The following NRM variants were observed in gnomAD, a reference collection of about 807,000 sequenced individuals.
NRM encodes nuclear rim protein.
Under a neutral mutation model 23.4 loss-of-function variants are expected in NRM, and 19 were observed. That is an observed-to-expected ratio of 0.81 (90% CI 0.57 to 1.19). The LOEUF is 1.19. NRM is among the 50% of genes most tolerant of loss of function. The pLI is 0.00. For synonymous variants in NRM, 140 were observed against 143.5 expected, an observed-to-expected ratio of 0.98 and a Z score of 0.17; for missense variants, 232 against 329.7, an observed-to-expected ratio of 0.70 and a Z score of 2.30.
rs183705957 is a variant in NRM at position 30,689,229 on chromosome 6, G to A, written c.507+47C>T. 4,676 of 1,510,348 alleles carry A rather than the reference G, an allele frequency of 3.1e-3. 111 individuals carry two copies. In the South Asian group the frequency reaches 0.039, roughly 13 times the overall value. The allele number at this position is 1,510,348 out of a possible 1,614,324, so 93.6% of individuals were successfully genotyped here. On this transcript the variant is annotated intron_variant, in intron 3 of 3. Transcript: ENST00000376421. This position sits in a 1 kb window ranked among gnomAD's most constrained non-coding sequence, Gnocchi z 4.7. ...GGAAACCCTTGAAAGGGAACGAGGAGTTCTAAAATGGGTCAGAGGTCATAG... is the reference window on the plus strand; with the variant it reads ...GGAAACCCTTGAAAGGGAACGAGGAATTCTAAAATGGGTCAGAGGTCATAG...
In NRM at chr6:30,689,510, A is replaced by G; in HGVS notation, c.331-58T>C. 6.8e-7 allele frequency: 1 copy of G among 1,476,734 alleles called. No individual in the cohort carries two copies. The highest frequency in any genetic ancestry group is 9.0e-7 in the Non-Finnish European group (1 of 1,107,132). 91.5% of individuals were successfully genotyped at this position (1,476,734 alleles called of 1,614,324 possible). On this transcript the variant is annotated intron_variant, in intron 2 of 3. Coordinates refer to ENST00000376421, the MANE Select transcript of NRM (RefSeq NM_001384369.1). The surrounding 1 kb of genome is among the most constrained non-coding windows in gnomAD (Gnocchi z 4.7). ...GGCCTAGTCTGCCCGACCTTGGGAG[A>G]CCCAGACCCAGATCTGCCCCCACCA...
Position 30,690,558 on chromosome 6 carries a change from C to T in NRM, c.133+284G>A. 1 of 1,541,504 alleles carries T rather than the reference C, an allele frequency of 6.5e-7. No individual in the cohort carries two copies. The highest frequency in any genetic ancestry group is 8.8e-7 in the Non-Finnish European group (1 of 1,141,692). ...CCAAATGCTCCTTCTTTTTAACACT[C>T]TCCTCTCAACAGTCCTCTCTACAAA... On this transcript the variant is annotated intron_variant, in intron 1 of 3. Transcript: ENST00000376421. This position sits in a 1 kb window ranked among gnomAD's most constrained non-coding sequence, Gnocchi z 5.5.
chr6:30,690,185 T>G lies in NRM; in HGVS notation c.192A>C (p.Ala64=), dbSNP rs1287912413. 1 of 1,611,904 alleles carries G rather than the reference T, an allele frequency of 6.2e-7. No homozygotes were observed. Among genetic ancestry groups the G allele is most frequent in the African/African-American group, 1.3e-5 (1 of 74,994 alleles). Residue 64 remains alanine, a synonymous_variant, in exon 2 of 4, where the codon GCA becomes GCC. Coordinates refer to ENST00000376421, the MANE Select transcript of NRM (RefSeq NM_001384369.1). This position sits in a 1 kb window ranked among gnomAD's most constrained non-coding sequence, Gnocchi z 5.5. The stretch of plus-strand genomic sequence containing the variant: ...ATAGAAGCAGGAGCCCCAGATCCCA[T>G]GCCAGGGGGGCAAGGATGCTGCGGT... ...LQDRSILAPL[A]WDLGLLLLFV...
rs1382595710 is a variant in NRM, at chr6:30,690,412, C to A, written c.134-169G>T. 2 of 1,074,036 alleles carry A rather than the reference C, an allele frequency of 1.9e-6. No homozygotes were observed. Among genetic ancestry groups the A allele is most frequent in the Non-Finnish European group, 2.6e-6 (2 of 762,590 alleles). The allele number at this position is 1,074,036 out of a possible 1,614,324, so 66.5% of individuals were successfully genotyped here. A position where few individuals can be genotyped will look rare whatever the true frequency, so the allele number is the denominator to read the frequency against. ...CTCACTTTTCCATCCCTAGTTTCTGCCCTCTTCCCTAGGCCTCCTGCAAAC... is the reference window on the plus strand; with the variant it reads ...CTCACTTTTCCATCCCTAGTTTCTGACCTCTTCCCTAGGCCTCCTGCAAAC... On this transcript the variant is annotated intron_variant, in intron 1 of 3. Coordinates refer to ENST00000376421, the MANE Select transcript of NRM (RefSeq NM_001384369.1). This position sits in a 1 kb window ranked among gnomAD's most constrained non-coding sequence, Gnocchi z 5.5.
At position 30,690,690 on chromosome 6, in the gene NRM, G is replaced by A. The variant is rs1024570427; in HGVS notation, c.133+152C>T. Reference sequence around the variant, plus strand: ...CTTGAGTTCCTAATTTAGAACTCAGGTCTCCCTCCCCTGTAGCTTCTCGGC... The same window carrying A: ...CTTGAGTTCCTAATTTAGAACTCAGATCTCCCTCCCCTGTAGCTTCTCGGC... On this transcript the variant is annotated intron_variant, in intron 1 of 3. Coordinates refer to ENST00000376421, the MANE Select transcript of NRM (RefSeq NM_001384369.1). This position sits in a 1 kb window ranked among gnomAD's most constrained non-coding sequence, Gnocchi z 5.5. The A allele has an allele frequency of 3.7e-6, 6 of 1,609,914 alleles. No homozygotes were observed. Among genetic ancestry groups the A allele is most frequent in the Non-Finnish European group, 5.1e-6 (6 of 1,178,784 alleles).
At position 30,690,246 on chromosome 6, in the gene NRM, A is replaced by G. The variant is rs1311821421; in HGVS notation, c.134-3T>C. On this transcript the variant is annotated splice_polypyrimidine_tract_variant and splice_region_variant and intron_variant, in intron 1 of 3. Transcript: ENST00000376421. The surrounding 1 kb of genome is among the most constrained non-coding windows in gnomAD (Gnocchi z 5.5). ...AGCCAGCCATCCCTGGCGGGCATCT[A>G]CAGGAAGTTGAGGGAAAAAGAGACA... is the stretch of plus-strand genomic sequence containing the variant. The G allele has an allele frequency of 6.4e-7, 1 of 1,567,744 alleles. No individual in the cohort carries two copies. The highest frequency in any genetic ancestry group is 1.2e-5 in the South Asian group (1 of 84,814).
rs904260228 is a variant in NRM at position 30,688,208 on chromosome 6, T to G, written c.*453A>C. ...GAGGTGCAGAGACTAGGGCCGGGAGTGGTGAGGCAAGGTTGGGGCCTGGAG... is the reference window on the plus strand; with the variant it reads ...GAGGTGCAGAGACTAGGGCCGGGAGGGGTGAGGCAAGGTTGGGGCCTGGAG... On this transcript the variant is annotated 3_prime_UTR_variant, in exon 4 of 4. Transcript: ENST00000376421. This position sits in a 1 kb window ranked among gnomAD's most constrained non-coding sequence, Gnocchi z 5.9. 2.3e-5 allele frequency: 4 copies of G among 174,278 alleles called. No individual in the cohort carries two copies. The highest frequency in any genetic ancestry group is 7.2e-5 in the African/African-American group (3 of 41,522). 10.8% of individuals were successfully genotyped at this position (174,278 alleles called of 1,614,324 possible).
At position 30,690,738 on chromosome 6, in the gene NRM, T is replaced by C. The variant is rs1771538108; in HGVS notation, c.133+104A>G. On this transcript the variant is annotated intron_variant, in intron 1 of 3. Transcript: ENST00000376421. This position sits in a 1 kb window ranked among gnomAD's most constrained non-coding sequence, Gnocchi z 5.5. ...GGCCGCTTTCAAGGTTCGAGTTCCC[T>C]CTCTTGGACTTCCCCTGTCATTTGT... 6.2e-7 allele frequency: 1 copy of C among 1,611,334 alleles called. No individual in the cohort carries two copies. The highest frequency in any genetic ancestry group is 8.5e-7 in the Non-Finnish European group (1 of 1,179,358).
In NRM at chr6:30,689,035, A is replaced by T; in HGVS notation, c.508-93T>A. ...CTCTTCCAGGCACCACCCTTCTAGA[A>T]CTCAGGCCCAGGAACCCCCCTTCTG... is the stretch of plus-strand genomic sequence containing the variant. On this transcript the variant is annotated intron_variant, in intron 3 of 3. Transcript: ENST00000376421. This position sits in a 1 kb window ranked among gnomAD's most constrained non-coding sequence, Gnocchi z 4.7. The T allele has an allele frequency of 7.3e-7, 1 of 1,378,220 alleles. No homozygotes were observed. Among genetic ancestry groups the T allele is most frequent in the East Asian group, 2.5e-5 (1 of 40,238 alleles). 85.4% of individuals were successfully genotyped at this position (1,378,220 alleles called of 1,614,324 possible).
upstream of NRM, chr6:30,691,088 C>A (rs1290058965): frequency 3.2e-6 from 4 of 1,252,732 alleles, no homozygotes; most frequent in East Asian, 7.7e-5. Context: ...GGCTCCTGCA[C>A]GCCACCGCCA....
At position 30,689,559 on chromosome 6, in the gene NRM, C is replaced by A. The variant is rs546598428; in HGVS notation, c.331-107G>T. ...CACAGGCTAGCCTGCAACTCTCCCCCACCTCTCTCCTAAGCATCACCACCA... is the reference window on the plus strand; with the variant it reads ...CACAGGCTAGCCTGCAACTCTCCCCAACCTCTCTCCTAAGCATCACCACCA... On this transcript the variant is annotated intron_variant, in intron 2 of 3. Transcript: ENST00000376421. The surrounding 1 kb of genome is among the most constrained non-coding windows in gnomAD (Gnocchi z 4.7). The A allele has an allele frequency of 1.4e-5, 16 of 1,111,218 alleles. No individual in the cohort carries two copies. The East Asian group carries it at 1.6e-4, about 11-fold the overall frequency. The allele number at this position is 1,111,218 out of a possible 1,614,324, so 68.8% of individuals were successfully genotyped here. A position where few individuals can be genotyped will look rare whatever the true frequency, so the allele number is the denominator to read the frequency against.
chr6:30,688,943 C>T lies in NRM; in HGVS notation c.508-1G>A. ...CCAGCCCCAGCACATGGTAGTATAC[C>T]TAAGAGAGGGAGAAGAGCTTAGAAA... is the stretch of plus-strand genomic sequence containing the variant. On this transcript the variant is annotated splice_acceptor_variant, in intron 3 of 3. Coordinates refer to ENST00000376421, the MANE Select transcript of NRM (RefSeq NM_001384369.1). LOFTEE classifies it high-confidence loss of function. This position sits in a 1 kb window ranked among gnomAD's most constrained non-coding sequence, Gnocchi z 5.9. 1.2e-6 allele frequency: 2 copies of T among 1,609,288 alleles called. No homozygotes were observed. The highest frequency in any genetic ancestry group is 1.7e-6 in the Non-Finnish European group (2 of 1,177,766).
chr6:30,690,114 C>A lies in NRM; in HGVS notation c.263G>T (p.Trp88Leu). 6.2e-7 allele frequency: 1 copy of A among 1,612,944 alleles called. No individual in the cohort carries two copies. The highest frequency in any genetic ancestry group is 8.5e-7 in the Non-Finnish European group (1 of 1,179,974). Reference protein sequence around the residue: ...SLMAAERVKAWTSRYFGVLQR... With the variant: ...SLMAAERVKALTSRYFGVLQR... ...AAGGACCCCAAAGTACCGGGATGTC[C>A]ATGCCTTCACTCTTTCAGCTGCCAT... The change falls in exon 2 of 4, where the codon TGG (tryptophan) becomes TTG (leucine). Residue 88 changes from tryptophan to leucine, a missense_variant. Physicochemically the swap from Trp to Leu is moderately conservative, Grantham distance 61. Coordinates refer to ENST00000376421, the MANE Select transcript of NRM (RefSeq NM_001384369.1). This position sits in a 1 kb window ranked among gnomAD's most constrained non-coding sequence, Gnocchi z 5.5.
Position 30,689,588 on chromosome 6 carries a change from A to C in NRM, c.331-136T>G. The C allele has an allele frequency of 1.3e-5, 11 of 862,968 alleles. No homozygotes were observed. The highest frequency in any genetic ancestry group is 1.9e-5 in the Non-Finnish European group (11 of 571,322). 53.5% of individuals were successfully genotyped at this position (862,968 alleles called of 1,614,324 possible). A position where few individuals can be genotyped will look rare whatever the true frequency, so the allele number is the denominator to read the frequency against. On this transcript the variant is annotated intron_variant, in intron 2 of 3. Transcript: ENST00000376421. The surrounding 1 kb of genome is among the most constrained non-coding windows in gnomAD (Gnocchi z 4.7). ...TCTCTCCTAAGCATCACCACCAAAT[A>C]TTCACCATGTGGAGGGTGCGTGCTG...
Position 30,689,483 on chromosome 6 carries a change from G to A in NRM, c.331-31C>T. The stretch of plus-strand genomic sequence containing the variant: ...GAAGGATAAGGGGCTGGGTATCCCA[G>A]TGGCCTAGTCTGCCCGACCTTGGGA... On this transcript the variant is annotated intron_variant, in intron 2 of 3. Transcript: ENST00000376421. The surrounding 1 kb of genome is among the most constrained non-coding windows in gnomAD (Gnocchi z 4.7). The A allele has an allele frequency of 3.9e-6, 6 of 1,541,472 alleles. No individual in the cohort carries two copies. Among genetic ancestry groups the A allele is most frequent in the Non-Finnish European group, 4.4e-6 (5 of 1,142,742 alleles).
Position 30,690,723 on chromosome 6 carries a change from A to C in NRM, c.133+119T>G, listed in dbSNP as rs934839052. On this transcript the variant is annotated intron_variant, in intron 1 of 3. Coordinates refer to ENST00000376421, the MANE Select transcript of NRM (RefSeq NM_001384369.1). The surrounding 1 kb of genome is among the most constrained non-coding windows in gnomAD (Gnocchi z 5.5). Reference sequence around the variant, plus strand: ...CCCCTGTAGCTTCTCGGCCGCTTTCAAGGTTCGAGTTCCCTCTCTTGGACT... The same window carrying C: ...CCCCTGTAGCTTCTCGGCCGCTTTCCAGGTTCGAGTTCCCTCTCTTGGACT... 1 of 1,610,852 alleles carries C rather than the reference A, an allele frequency of 6.2e-7. No individual in the cohort carries two copies. Among genetic ancestry groups the C allele is most frequent in the Non-Finnish European group, 8.5e-7 (1 of 1,179,220 alleles).
chr6:30,690,495 G>T lies in NRM; in HGVS notation c.134-252C>A. The T allele has an allele frequency of 6.8e-7, 1 of 1,469,236 alleles. No individual in the cohort carries two copies. The allele number at this position is 1,469,236 out of a possible 1,614,324, so 91.0% of individuals were successfully genotyped here. ...TAGGCAGTTGCAAAAAGCATGGCTG[G>T]AGAGGCCACGCTGGATTGCCCCTCT... On this transcript the variant is annotated intron_variant, in intron 1 of 3. Transcript: ENST00000376421. This position sits in a 1 kb window ranked among gnomAD's most constrained non-coding sequence, Gnocchi z 5.5.
At chr6:30,691,380 A>T (rs1293718767), upstream of NRM, 2 of 158,630 alleles carry the variant, frequency 1.3e-5, no homozygotes, top group African/African-American at 4.8e-5. Flanking sequence ...ACTTACTATA[A>T]AGTTGAGTTG....
Position 30,690,182 on chromosome 6 carries a change from C to T in NRM, c.195G>A (p.Trp65Ter). The T allele has an allele frequency of 6.2e-7, 1 of 1,612,094 alleles. No individual in the cohort carries two copies. Among genetic ancestry groups the T allele is most frequent in the Non-Finnish European group, 8.5e-7 (1 of 1,179,642 alleles). ...CAAATAGAAGCAGGAGCCCCAGATC[C>T]CATGCCAGGGGGGCAAGGATGCTGC... ...QDRSILAPLA[W>*]DLGLLLLFVG... The change falls in exon 2 of 4, where the codon TGG becomes TGA. Residue 65 changes from tryptophan (W) to a stop codon, truncating the protein, a stop_gained. Coordinates refer to ENST00000376421, the MANE Select transcript of NRM (RefSeq NM_001384369.1). LOFTEE classifies it high-confidence loss of function. This position sits in a 1 kb window ranked among gnomAD's most constrained non-coding sequence, Gnocchi z 5.5.
Sources: gnomAD v4.1 joint callset for allele counts on GRCh38, gnomAD v4.1.1 for gene constraint, Gnocchi (gnomAD v3.1) non-coding constraint, MANE v1.5 for transcripts, NCBI Gene and HGNC (gene_info 2026-07-23, HGNC 2026-07-21) for gene names.